CLDN10: variants seen among roughly 807,000 people sequenced by gnomAD.
The protein encoded by CLDN10 is claudin-10.
Under a neutral mutation model 22.9 loss-of-function variants are expected in CLDN10, and 15 were observed. The observed-to-expected ratio is 0.65, with a 90% CI of 0.44 to 1.01. CLDN10 has a LOEUF of 1.01. CLDN10 is among the 50% of genes least tolerant of loss of function. The pLI is 0.00. For synonymous variants in CLDN10, 114 were observed against 111.4 expected (o/e 1.02, Z -0.15); for missense variants, 247 against 287.8 (o/e 0.86, Z 1.03).
chr13:95,567,457 T>G (rs1051912383), intron 3 of CLDN10, among the ~76,000 whole-genome samples: 3 of 152,228 alleles, frequency 2.0e-5, no homozygotes, highest in Non-Finnish European at 2.9e-5. Flanking sequence ...CTTGTGATTT[T>G]TGCACATTGA....
At chr13:95,558,628 A>G (rs544160237) in intron 1 of CLDN10, among the ~76,000 whole-genome samples, 3 of 152,354 alleles carry the variant, frequency 2.0e-5, no homozygotes, top group South Asian at 4.1e-4. Context: ...TTCTTTTCCA[A>G]AGAAACACAG....
intron 1 of CLDN10, among the ~76,000 whole-genome samples, chr13:95,520,026 G>T (rs1473560313): frequency 6.6e-6 from 1 of 152,138 alleles, no homozygotes; most frequent in Non-Finnish European, 1.5e-5. Flanking sequence ...TAGTGTGTGT[G>T]TGTGCACGTG....
chr13:95,537,709 CTTCTGTAACTGGCTTGAA>C (rs1459367749), intron 1 of CLDN10, among the ~76,000 whole-genome samples: 1 of 152,200 alleles, frequency 6.6e-6, no homozygotes, highest in Non-Finnish European at 1.5e-5. Context: ...CTTATTCTTG[CTTCTGTAACTGGCTTGAA>C]TTCCAAATTC....
chr13:95,526,861 T>G (rs570149549), intron 1 of CLDN10, among the ~76,000 whole-genome samples: 2 of 152,256 alleles, frequency 1.3e-5, no homozygotes, highest in East Asian at 3.9e-4. Flanking sequence ...TAGCATTTAG[T>G]GTAAAATTTT....
intron 1 of CLDN10, among the ~76,000 whole-genome samples, chr13:95,484,973 G>C (rs1489698650): frequency 2.0e-5 from 3 of 152,092 alleles, no homozygotes; most frequent in Admixed American, 2.0e-4. Flanking sequence ...CACCCCACTG[G>C]TGAGGGAGGG....
chr13:95,568,147 A>T (rs964935990), intron 3 of CLDN10, among the ~76,000 whole-genome samples: 10 of 152,136 alleles, frequency 6.6e-5, no homozygotes, highest in Non-Finnish European at 1.2e-4. Context: ...ATGTTTGTTT[A>T]TTTAAGTTTA....
At chr13:95,444,403 T>A (rs1566646996) in intron 1 of CLDN10, among the ~76,000 whole-genome samples, 2 of 152,238 alleles carry the variant, frequency 1.3e-5, no homozygotes. Context: ...CAAAGGTTAA[T>A]AATTTGGCAA....
At chr13:95,437,310 C>G (rs140493086) in intron 1 of CLDN10, among the ~76,000 whole-genome samples, 1 of 152,304 alleles carries the variant, frequency 6.6e-6, no homozygotes, top group East Asian at 1.9e-4. Context: ...CAATTCAATT[C>G]TTATTGGAGC....
At chr13:95,455,458 T>TA (rs1344550333) in intron 1 of CLDN10, among the ~76,000 whole-genome samples, 1 of 152,134 alleles carries the variant, frequency 6.6e-6, no homozygotes, top group Non-Finnish European at 1.5e-5. Context: ...TAATGGCAAA[T>TA]TTTCTATAAT....
chr13:95,458,811 A>G (rs1392587693), intron 1 of CLDN10, among the ~76,000 whole-genome samples: 1 of 152,134 alleles, frequency 6.6e-6, no homozygotes. Flanking sequence ...TTGTCCCCCA[A>G]ATTCTTAACT....
intron 3 of CLDN10, chr13:95,560,934 A>G (rs1269060159): frequency 6.3e-6 from 1 of 158,968 alleles, no homozygotes; most frequent in East Asian, 1.8e-4. Context: ...ACCTTTATAA[A>G]GAAACTGTAT....
At chr13:95,531,186 G>A (rs780336432) in intron 1 of CLDN10, among the ~76,000 whole-genome samples, 2 of 151,862 alleles carry the variant, frequency 1.3e-5, no homozygotes, top group South Asian at 2.1e-4. Context: ...CCATAGTGCT[G>A]GGATTACCAG....
At chr13:95,535,507 C>G (rs139163888) in intron 1 of CLDN10, among the ~76,000 whole-genome samples, 1 of 149,410 alleles carries the variant, frequency 6.7e-6, no homozygotes, top group Non-Finnish European at 1.5e-5. Flanking sequence ...GCTTGGCAGA[C>G]TGAGTGGGTA....
chr13:95,548,745 GT>G (rs1397983121), upstream of CLDN10, among the ~76,000 whole-genome samples: 52 of 152,014 alleles, frequency 3.4e-4, no homozygotes, highest in Non-Finnish European at 2.1e-4. Flanking sequence ...CTGGGCAGTT[GT>G]TTTTTTTAGT....
At chr13:95,576,301 G>A (rs1322616983) in intron 3 of CLDN10, among the ~76,000 whole-genome samples, 1 of 152,154 alleles carries the variant, frequency 6.6e-6, no homozygotes, top group East Asian at 1.9e-4. Flanking sequence ...AATCAAAACA[G>A]ACCCTCCGAC....
At chr13:95,519,630 C>T (rs1452083850) in intron 1 of CLDN10, among the ~76,000 whole-genome samples, 1 of 152,208 alleles carries the variant, frequency 6.6e-6, no homozygotes, top group Non-Finnish European at 1.5e-5. Flanking sequence ...AAGTGGCAGA[C>T]ACAAATTTCT....
At chr13:95,524,069 G>T (rs35509467) in intron 1 of CLDN10, among the ~76,000 whole-genome samples, 1 of 147,448 alleles carries the variant, frequency 6.8e-6, no homozygotes, top group African/African-American at 2.5e-5. Flanking sequence ...TATGTCCAAC[G>T]TTTGGTCTTA....
chr13:95,508,417 A>T (rs965575032), intron 1 of CLDN10, among the ~76,000 whole-genome samples: 1 of 152,212 alleles, frequency 6.6e-6, no homozygotes, highest in African/African-American at 2.4e-5. Context: ...CCTGCTTTGC[A>T]TTATTTTCTG....
chr13:95,433,786 C>G (rs1376293209), exon 1 of CLDN10: 2 of 1,599,034 alleles, frequency 1.3e-6, no homozygotes, highest in African/African-American at 1.3e-5. Flanking sequence ...ATGCCTAGAC[C>G]ACCAAAGCGT....
Sources: gnomAD v4.1 joint callset for allele counts (sites outside exome capture counted in the v4.1 genomes callset) on GRCh38, gnomAD v4.1.1 for gene constraint, MANE v1.5 for transcripts, NCBI Gene and HGNC (gene_info 2026-07-23, HGNC 2026-07-21) for gene names.